YPEL2: variants seen among roughly 807,000 people sequenced by gnomAD.
YPEL2 encodes the protein yippee like 2, also known as protein yippee-like 2.
In YPEL2, 2 loss-of-function variants were observed where a neutral mutation model predicts 19.1. The ratio of observed to expected loss-of-function variants is 0.10; its 90% CI spans 0.04 to 0.33. YPEL2 has a LOEUF of 0.33. Ranked by LOEUF, YPEL2 falls within the 10% of genes least tolerant of loss-of-function variation. The probability of loss-of-function intolerance (pLI) is 1.00; values close to 1 mark genes in which losing one functional copy is unlikely to be tolerated. For missense variants in YPEL2, 66 were observed against 140.7 expected (o/e 0.47, Z 2.68); for synonymous variants, 52 against 50.0 (o/e 1.04, Z -0.17).
At position 59,394,981 on chromosome 17, in the gene YPEL2, C is replaced by T. The variant is rs181732410; in HGVS notation, c.271-2120C>T. ...GCACGCGCCTGCAATCGCAGGCACT[C>T]AGCAGGCTGAGGCAGGAGAATCAGG... On this transcript the variant is annotated intron_variant, in intron 4 of 4. Transcript: ENST00000312655. Among the ~76,000 whole-genome samples, 679 of 152,330 alleles carry T rather than the reference C, an allele frequency of 4.5e-3. 6 individuals are homozygous for T. The highest frequency in any genetic ancestry group is 0.015 in the African/African-American group (614 of 41,580).
chr17:59,365,424 C>T (rs533106446), intron 2 of YPEL2, among the ~76,000 whole-genome samples: 102 of 152,272 alleles, frequency 6.7e-4, no homozygotes, highest in African/African-American at 2.4e-3. Flanking sequence ...CCCTTTTAGT[C>T]TGTCAGGTGG....
At chr17:59,346,506 G>A (rs750094676) in intron 1 of YPEL2, among the ~76,000 whole-genome samples, 3 of 152,082 alleles carry the variant, frequency 2.0e-5, no homozygotes, top group Non-Finnish European at 2.9e-5. Context: ...GAGTAAGTTC[G>A]CCTCCTTCCT....
intron 2 of YPEL2, among the ~76,000 whole-genome samples, chr17:59,375,164 C>G (rs1487068445): frequency 6.6e-6 from 1 of 152,100 alleles, no homozygotes; most frequent in African/African-American, 2.4e-5. Context: ...GAGAGCCATG[C>G]TTCAGGTGCA....
chr17:59,370,780 G>A (rs1024116639), intron 2 of YPEL2, among the ~76,000 whole-genome samples: 5 of 152,140 alleles, frequency 3.3e-5, no homozygotes, highest in Non-Finnish European at 7.3e-5. Context: ...CCCTCAGCAG[G>A]GGCAGAGAGT....
chr17:59,393,302 ATTTTTT>A (rs149834838), intron 4 of YPEL2, among the ~76,000 whole-genome samples: 1 of 135,328 alleles, frequency 7.4e-6, no homozygotes, highest in Non-Finnish European at 1.6e-5. Flanking sequence ...TGATTTTTGT[ATTTTTT>A]TTTTTTTTTG....
intron 2 of YPEL2, among the ~76,000 whole-genome samples, chr17:59,362,502 C>T (rs2047846188): frequency 6.6e-6 from 1 of 152,106 alleles, no homozygotes; most frequent in Non-Finnish European, 1.5e-5. Flanking sequence ...CTGCAGACTG[C>T]AGGCAGCTGG....
intron 2 of YPEL2, among the ~76,000 whole-genome samples, chr17:59,376,407 C>T (rs537868011): frequency 1.3e-5 from 2 of 152,232 alleles, no homozygotes; most frequent in East Asian, 1.9e-4. Flanking sequence ...TTGATAGAGA[C>T]GGGGTTTCAC....
Position 59,401,303 on chromosome 17 carries a change from T to C in YPEL2, c.*4113T>C, listed in dbSNP as rs1412669405. 4 of 152,544 alleles carry C rather than the reference T, an allele frequency of 2.6e-5. No homozygotes were observed. The highest frequency in any genetic ancestry group is 4.4e-5 in the Non-Finnish European group (3 of 68,038). The allele number at this position is 152,544 out of a possible 1,614,324, so 9.4% of individuals were successfully genotyped here. On this transcript the variant is annotated 3_prime_UTR_variant, in exon 5 of 5. Coordinates refer to ENST00000312655, the MANE Select transcript of YPEL2 (RefSeq NM_001005404.4). ...GTTATCTAGATAGAGGAAAGAGATATTTACTTTTTTAAAAATTAAAATAGT... is the reference window on the plus strand; with the variant it reads ...GTTATCTAGATAGAGGAAAGAGATACTTACTTTTTTAAAAATTAAAATAGT...
chr17:59,342,635 A>G (rs1004001714), intron 1 of YPEL2, among the ~76,000 whole-genome samples: 1 of 151,964 alleles, frequency 6.6e-6, no homozygotes, highest in African/African-American at 2.4e-5. Context: ...AACCAGGATT[A>G]TCATCTCTGA....
At chr17:59,352,883 A>T (rs555798124) in intron 1 of YPEL2, among the ~76,000 whole-genome samples, 79 of 152,232 alleles carry the variant, frequency 5.2e-4, no homozygotes, top group African/African-American at 1.7e-3. Context: ...GTCCCTGAGG[A>T]GTCCTCTCCC....
intron 4 of YPEL2, among the ~76,000 whole-genome samples, chr17:59,395,586 G>A (rs1285035938): frequency 1.3e-5 from 2 of 152,146 alleles, no homozygotes; most frequent in East Asian, 1.9e-4. Context: ...TTAGTATGAC[G>A]TTCTCCCTCT....
At chr17:59,384,676 G>C (rs1422264692) in intron 2 of YPEL2, among the ~76,000 whole-genome samples, 3 of 152,146 alleles carry the variant, frequency 2.0e-5, no homozygotes, top group Non-Finnish European at 2.9e-5. Flanking sequence ...TGTATAAAAT[G>C]AGCTAGTATT....
intron 2 of YPEL2, among the ~76,000 whole-genome samples, chr17:59,381,644 A>G (rs1176900931): frequency 1.3e-5 from 2 of 152,222 alleles, no homozygotes; most frequent in East Asian, 3.8e-4. Flanking sequence ...AGGAAACTCA[A>G]AGCCCTTTCT....
At chr17:59,336,131 A>G (rs2047697708) in intron 1 of YPEL2, among the ~76,000 whole-genome samples, 1 of 152,236 alleles carries the variant, frequency 6.6e-6, no homozygotes, top group Non-Finnish European at 1.5e-5. Flanking sequence ...GTGAATGACC[A>G]AGAGAACCAA....
At chr17:59,395,074 C>T (rs1598056247) in intron 4 of YPEL2, among the ~76,000 whole-genome samples, 1 of 152,166 alleles carries the variant, frequency 6.6e-6, no homozygotes. Context: ...CAGAGGGAGA[C>T]CGTGGGGAGA....
At chr17:59,377,263 C>A (rs1297607734) in intron 2 of YPEL2, among the ~76,000 whole-genome samples, 1 of 152,176 alleles carries the variant, frequency 6.6e-6, no homozygotes, top group East Asian at 1.9e-4. Flanking sequence ...TTTATATTAT[C>A]CTTTTTAACT....
chr17:59,394,169 G>A lies in YPEL2; in HGVS notation c.271-2932G>A, dbSNP rs564945818. 3.3e-4 allele frequency among the ~76,000 whole-genome samples: 50 copies of A among 151,656 alleles called. No individual in the cohort carries two copies. The East Asian group carries it at 5.9e-3, about 18-fold the overall frequency. On this transcript the variant is annotated intron_variant, in intron 4 of 4. Transcript: ENST00000312655. ...TGACCCCCCGACCTCCCTCCCGGAC[G>A]GGGCGGCTGGCCGGGCGGGGGGCTG... is the stretch of plus-strand genomic sequence containing the variant.
At chr17:59,364,512 A>G (rs1242182320) in intron 2 of YPEL2, among the ~76,000 whole-genome samples, 1 of 151,556 alleles carries the variant, frequency 6.6e-6, no homozygotes, top group Non-Finnish European at 1.5e-5. Flanking sequence ...GCATAAGATG[A>G]TATGAGGCCA....
intron 2 of YPEL2, among the ~76,000 whole-genome samples, chr17:59,366,802 A>G (rs1359789321): frequency 6.6e-6 from 1 of 152,210 alleles, no homozygotes; most frequent in Non-Finnish European, 1.5e-5. Flanking sequence ...AGCCAGTGAA[A>G]CTAGACTTCA....
Sources: gnomAD v4.1 joint callset for allele counts (sites outside exome capture counted in the v4.1 genomes callset) on GRCh38, gnomAD v4.1.1 for gene constraint, MANE v1.5 for transcripts, NCBI Gene and HGNC (gene_info 2026-07-23, HGNC 2026-07-21) for gene names.